Variants in RIMS2 observed in about 807,000 individuals in gnomAD.
RIMS2 encodes the protein regulating synaptic membrane exocytosis 2.
Under a neutral mutation model 174.4 loss-of-function variants are expected in RIMS2, and 59 were observed. The ratio of observed to expected loss-of-function variants is 0.34; its 90% CI spans 0.27 to 0.42. RIMS2 has a LOEUF of 0.42. RIMS2 is among the 10% of genes least tolerant of loss of function. The pLI is 1.00. For missense variants in RIMS2, 1,620 were observed against 1,666.3 expected, an observed-to-expected ratio of 0.97 and a Z score of 0.48; for synonymous variants, 606 against 572.5, an observed-to-expected ratio of 1.06 and a Z score of -0.84.
chr8:103,931,149 G>A (rs756115524), intron 11 of RIMS2, 114 bp from the exon 14 acceptor site: 33 of 718,630 alleles, frequency 4.6e-5, no homozygotes, highest in Non-Finnish European at 6.8e-5. Context: ...ACTAAGTAAA[G>A]TTTATATTCT....
At chr8:103,917,695 T>C (rs1378900632) in intron 8 of RIMS2, among the ~76,000 whole-genome samples, 5 of 152,126 alleles carry the variant, frequency 3.3e-5, no homozygotes, top group Non-Finnish European at 7.4e-5. Flanking sequence ...ATAAGAAACA[T>C]GTTTGCCTTT....
intron 1 of RIMS2, among the ~76,000 whole-genome samples, chr8:103,509,677 A>G (rs997823284): frequency 1.3e-5 from 2 of 152,104 alleles, no homozygotes; most frequent in African/African-American, 2.4e-5. Context: ...CTCCAGAAAT[A>G]GGAATTGAGG....
At chr8:103,688,780 T>C (rs1000862216) in intron 1 of RIMS2, among the ~76,000 whole-genome samples, 1 of 152,116 alleles carries the variant, frequency 6.6e-6, no homozygotes, top group African/African-American at 2.4e-5. Context: ...GCTAAAAGCT[T>C]GTTGATTTTA....
intron 19 of RIMS2, among the ~76,000 whole-genome samples, chr8:104,167,823 C>A (rs1397828259): frequency 6.6e-6 from 1 of 152,038 alleles, no homozygotes; most frequent in Non-Finnish European, 1.5e-5. Flanking sequence ...AGATTTAAGT[C>A]TTTGATCTTG....
At chr8:103,978,794 CA>C in intron 16 of RIMS2, among the ~76,000 whole-genome samples, 1 of 152,066 alleles carries the variant, frequency 6.6e-6, no homozygotes, top group Middle Eastern at 3.2e-3. Flanking sequence ...CAGACCCCCC[CA>C]AAAAAATTAG....
chr8:103,500,892 G>C, exon 1 of RIMS2: 1 of 1,593,570 alleles, frequency 6.3e-7, no homozygotes, highest in Non-Finnish European at 8.5e-7. Flanking sequence ...CAAACATGTC[G>C]GCTCCTGTCG....
At chr8:103,872,707 G>A (rs1454661492) in intron 3 of RIMS2, among the ~76,000 whole-genome samples, 3 of 152,160 alleles carry the variant, frequency 2.0e-5, no homozygotes, top group African/African-American at 7.2e-5. Flanking sequence ...AAGTATGAAA[G>A]GTGTAGGCCT....
chr8:103,768,092 G>C (rs2098199692), intron 3 of RIMS2, among the ~76,000 whole-genome samples: 1 of 152,164 alleles, frequency 6.6e-6, no homozygotes, highest in African/African-American at 2.4e-5. Context: ...GTTGCTGGTA[G>C]TATCTGCTAC....
At chr8:104,204,015 T>C (rs987496294) in intron 19 of RIMS2, among the ~76,000 whole-genome samples, 3 of 152,204 alleles carry the variant, frequency 2.0e-5, no homozygotes, top group African/African-American at 7.2e-5. Context: ...TTGCCCCATG[T>C]GGCTATAGCA....
chr8:104,244,982 T>C (rs1478355105), exon 20 of RIMS2: 2 of 1,613,868 alleles, frequency 1.2e-6, no homozygotes, highest in Non-Finnish European at 1.7e-6. Flanking sequence ...GCCGTGGAAA[T>C]GAGGAACTGG....
chr8:103,910,953 G>A (rs574594543), intron 5 of RIMS2, among the ~76,000 whole-genome samples: 8 of 152,142 alleles, frequency 5.3e-5, no homozygotes, highest in Admixed American at 2.6e-4. Flanking sequence ...AGATAATTGG[G>A]TCTGTTTGCA....
At chr8:104,028,771 T>C (rs2096313252) in intron 19 of RIMS2, among the ~76,000 whole-genome samples, 1 of 152,170 alleles carries the variant, frequency 6.6e-6, no homozygotes, top group Admixed American at 6.6e-5. Context: ...CAAATCTAGA[T>C]GTCATAGAGG....
chr8:103,508,471 AAAAAG>A (rs972544715), intron 1 of RIMS2, among the ~76,000 whole-genome samples: 4 of 151,924 alleles, frequency 2.6e-5, no homozygotes, highest in Non-Finnish European at 5.9e-5. Flanking sequence ...AAAAAAAAAA[AAAAAG>A]AAGACGATGC....
chr8:104,130,079 A>G (rs1378006488), intron 19 of RIMS2, among the ~76,000 whole-genome samples: 5 of 152,212 alleles, frequency 3.3e-5, no homozygotes, highest in African/African-American at 1.2e-4. Context: ...AATTTATTCA[A>G]TAAATTCTTT....
chr8:103,926,065 A>C (rs1447612930), intron 10 of RIMS2, among the ~76,000 whole-genome samples: 1 of 151,552 alleles, frequency 6.6e-6, no homozygotes, highest in East Asian at 1.9e-4. Flanking sequence ...AGTTCATTTT[A>C]GAACATGGAA....
chr8:103,591,615 T>A (rs571456105), intron 1 of RIMS2, among the ~76,000 whole-genome samples: 1 of 151,390 alleles, frequency 6.6e-6, no homozygotes. Flanking sequence ...ACATTCCTTT[T>A]AAAAATTTTT....
chr8:104,057,496 A>C (rs949327633), intron 19 of RIMS2, among the ~76,000 whole-genome samples: 1 of 152,126 alleles, frequency 6.6e-6, no homozygotes, highest in African/African-American at 2.4e-5. Flanking sequence ...TTATTTTCTT[A>C]GATTACTAGA....
At chr8:104,106,756 A>G (rs2098075960) in intron 19 of RIMS2, among the ~76,000 whole-genome samples, 1 of 152,210 alleles carries the variant, frequency 6.6e-6, no homozygotes, top group Non-Finnish European at 1.5e-5. Flanking sequence ...CAATTAATCT[A>G]TAGCTGTTAT....
intron 10 of RIMS2, among the ~76,000 whole-genome samples, chr8:103,926,696 A>C (rs2078856670): frequency 6.6e-6 from 1 of 151,544 alleles, no homozygotes; most frequent in African/African-American, 2.4e-5. Flanking sequence ...AGAGACATCC[A>C]TAAGAAATGT....
Sources: gnomAD v4.1 joint callset for allele counts (sites outside exome capture counted in the v4.1 genomes callset) on GRCh38, gnomAD v4.1.1 for gene constraint, MANE v1.5 for transcripts, NCBI Gene and HGNC (gene_info 2026-07-23, HGNC 2026-07-21) for gene names.